Variants in DPEP2 observed in about 807,000 individuals in gnomAD.
The protein encoded by DPEP2 is dipeptidase 2.
DPEP2 carries 45 observed loss-of-function variants against 51.8 expected under a neutral mutation model. The observed-to-expected ratio is 0.87, with a 90% CI of 0.68 to 1.11. The LOEUF is 1.11. Among genes scored for constraint, DPEP2 ranks in the 50% most tolerant of loss-of-function variants. The probability of loss-of-function intolerance (pLI) is 0.00; values close to 1 mark genes in which losing one functional copy is unlikely to be tolerated. For synonymous variants in DPEP2, 255 were observed against 262.7 expected (o/e 0.97, Z 0.28); for missense variants, 604 against 631.9 (o/e 0.96, Z 0.47).
intron 2 of DPEP2, 106 bp downstream of exon 2, chr16:67,992,844 C>T: frequency 1.3e-6 from 2 of 1,491,064 alleles, no homozygotes; most frequent in African/African-American, 1.4e-5. Context: ...AGAGGGCATC[C>T]AGGGGTGGTG....
chr16:67,993,324 C>A (rs2032428287), intron 1 of DPEP2, 67 bp from the exon 2 acceptor site: 4 of 1,319,782 alleles, frequency 3.0e-6, no homozygotes, highest in Non-Finnish European at 3.9e-6. Flanking sequence ...GGCCACCTGG[C>A]GGCGTGGCCT....
At chr16:67,989,666 A>G (rs1057170788) in intron 8 of DPEP2, among the ~76,000 whole-genome samples, 6 of 152,196 alleles carry the variant, frequency 3.9e-5, no homozygotes, top group African/African-American at 1.4e-4. Flanking sequence ...ACCTGCCTCT[A>G]GTCTCTTTGA....
At chr16:67,996,273 T>C (rs1251654210) in intron 1 of DPEP2, among the ~76,000 whole-genome samples, 1 of 151,558 alleles carries the variant, frequency 6.6e-6, no homozygotes, top group Non-Finnish European at 1.5e-5. Flanking sequence ...TTTGTCAGTT[T>C]GAAAAATGTA....
At chr16:67,995,057 C>T (rs540992566) in intron 1 of DPEP2, 3 of 217,464 alleles carry the variant, frequency 1.4e-5, no homozygotes, top group African/African-American at 2.3e-5. Context: ...TGCGCCACCA[C>T]GCCCGGCTAA....
chr16:67,991,681 G>C lies in DPEP2; in HGVS notation c.662+157C>G, dbSNP rs1486088946. 2.6e-6 allele frequency: 3 copies of C among 1,159,218 alleles called. No individual in the cohort carries two copies. Among genetic ancestry groups the C allele is most frequent in the Non-Finnish European group, 3.5e-6 (3 of 845,302 alleles). 71.8% of individuals were successfully genotyped at this position (1,159,218 alleles called of 1,614,324 possible). ...GCATGAGCCACCGCGTCTGGCCAGG[G>C]GTCAAGTCGTATTCTGAAAACCAGA... On this transcript the variant is annotated intron_variant, in intron 5 of 10. Transcript: ENST00000393847. This position sits in a 1 kb window ranked among gnomAD's most constrained non-coding sequence, Gnocchi z 5.1.
Position 67,993,097 on chromosome 16 carries a change from G to A in DPEP2, c.116C>T (p.Pro39Leu), listed in dbSNP as rs145012164. The A allele has an allele frequency of 4.1e-5, 65 of 1,568,132 alleles. No individual in the cohort carries two copies. The highest frequency in any genetic ancestry group is 5.2e-5 in the Non-Finnish European group (60 of 1,155,888). The change falls in exon 2 of 11, where the codon CCC (proline) becomes CTC (leucine). Residue 39 changes from proline (P) to leucine (L), a missense_variant. By Grantham distance (98) the Pro-to-Leu change is moderately conservative. Coordinates refer to ENST00000393847, the MANE Select transcript of DPEP2 (RefSeq NM_022355.4). ...PVTCAYTTPG[P>L]PRALTTLGAP... ...GCCCAGCGTGGTGAGGGCTCTGGGG[G>A]GGCCTGGCGTGGTGTAGGCACAGGT...
In DPEP2 at chr16:67,992,904, C is replaced by T. The variant is rs1371897812; in HGVS notation, c.263+46G>A. The T allele has an allele frequency of 2.5e-6, 4 of 1,569,866 alleles. No homozygotes were observed. In the African/African-American group the frequency reaches 4.0e-5, roughly 16 times the overall value. The stretch of plus-strand genomic sequence containing the variant: ...GCATACTCTGGGACCCTCCCTTGCC[C>T]AGGAGTGTGCTCAGCTCCCATCGCC... On this transcript the variant is annotated intron_variant, in intron 2 of 10. Coordinates refer to ENST00000393847, the MANE Select transcript of DPEP2 (RefSeq NM_022355.4).
In DPEP2 at chr16:67,993,049, G is replaced by C. The variant is rs976384250; in HGVS notation, c.164C>G (p.Pro55Arg). The change falls in exon 2 of 11, where the codon CCG becomes CGG. Residue 55 changes from proline (P) to arginine (R), a missense_variant. Coordinates refer to ENST00000393847, the MANE Select transcript of DPEP2 (RefSeq NM_022355.4). ...TGTGGTCGAGGGAGCGTAGGTGCCC[G>C]GCATGGTGTGGGCTCTGGGGGCGCC... ...TLGAPRAHTM[P>R]GTYAPSTTLS... 4 of 1,580,452 alleles carry C rather than the reference G, an allele frequency of 2.5e-6. No individual in the cohort carries two copies. The highest frequency in any genetic ancestry group is 2.6e-6 in the Non-Finnish European group (3 of 1,162,414).
intron 8 of DPEP2, 102 bp downstream of exon 8, chr16:67,989,945 C>G: frequency 8.2e-7 from 1 of 1,223,834 alleles, no homozygotes; most frequent in South Asian, 1.3e-5. Context: ...TACTGTCCAT[C>G]ACTGCATTTT....
chr16:67,991,033 G>A lies in DPEP2; in HGVS notation c.733-36C>T, dbSNP rs548134401. ...ATGTTGGGAGAAGGGTATCAGGGGT[G>A]CACATGTGTATACATTTATTTGTAA... is the stretch of plus-strand genomic sequence containing the variant. On this transcript the variant is annotated intron_variant, in intron 6 of 10. Coordinates refer to ENST00000393847, the MANE Select transcript of DPEP2 (RefSeq NM_022355.4). The surrounding 1 kb of genome is among the most constrained non-coding windows in gnomAD (Gnocchi z 5.1). 2 of 1,613,910 alleles carry A rather than the reference G, an allele frequency of 1.2e-6. No individual in the cohort carries two copies. Among genetic ancestry groups the A allele is most frequent in the South Asian group, 1.1e-5 (1 of 91,074 alleles).
intron 1 of DPEP2, 175 bp from the exon 2 acceptor site, chr16:67,993,432 C>T (rs1208179085): frequency 7.1e-6 from 9 of 1,261,908 alleles, no homozygotes; most frequent in East Asian, 3.2e-5. Flanking sequence ...AGCCCTCCCG[C>T]CGTCATCCCC....
chr16:67,992,666 A>G lies in DPEP2; in HGVS notation c.264-30T>C, dbSNP rs374813524. ...AGGGATGTCAAGCCAGGGTCAGGTG[A>G]AGAACAGACAGATGGGCCTCTTAGC... On this transcript the variant is annotated intron_variant, in intron 2 of 10. Transcript: ENST00000393847. 3 of 1,603,852 alleles carry G rather than the reference A, an allele frequency of 1.9e-6. No individual in the cohort carries two copies. In the African/African-American group the frequency reaches 4.0e-5, roughly 21 times the overall value.
At chr16:68,000,443 C>T, upstream of DPEP2, 1 of 985,342 alleles carries the variant, frequency 1.0e-6, no homozygotes, top group Non-Finnish European at 1.2e-6. Flanking sequence ...GCAGCTGGGG[C>T]TTACTCAGTA....
intron 1 of DPEP2, among the ~76,000 whole-genome samples, chr16:67,996,186 G>A (rs550675603): frequency 4.0e-5 from 6 of 148,494 alleles, no homozygotes; most frequent in Admixed American, 2.7e-4. Context: ...ACAGGTACTC[G>A]CCACCACACT....
Position 67,992,952 on chromosome 16 carries a change from G to A in DPEP2, c.261C>T (p.Asp87=), listed in dbSNP as rs763339034. 4.3e-6 allele frequency: 7 copies of A among 1,610,014 alleles called. No individual in the cohort carries two copies. The highest frequency in any genetic ancestry group is 2.2e-5 in the South Asian group (2 of 90,690). Residue 87 remains aspartate (D), a splice_region_variant and synonymous_variant, in exon 2 of 11, where the codon GAC becomes GAT. Coordinates refer to ENST00000393847, the MANE Select transcript of DPEP2 (RefSeq NM_022355.4). ...GCCCCCTTGCAGCAATTACGCACCC[G>A]TCCACGAGCGGGAAGTCCCGCATCA... ...RALMRDFPLV[D]GHNDLPLVLR...
At position 67,991,817 on chromosome 16, in the gene DPEP2, C is replaced by G; in HGVS notation, c.662+21G>C. Reference sequence around the variant, plus strand: ...CTCTGCCCCTGCCTCAGCGGTCCCACACCATCTGCACTAGGCTCACCAGGG... The same window carrying G: ...CTCTGCCCCTGCCTCAGCGGTCCCAGACCATCTGCACTAGGCTCACCAGGG... On this transcript the variant is annotated intron_variant, in intron 5 of 10. Transcript: ENST00000393847. The surrounding 1 kb of genome is among the most constrained non-coding windows in gnomAD (Gnocchi z 5.1). The G allele has an allele frequency of 6.2e-7, 1 of 1,613,060 alleles. No homozygotes were observed.
chr16:67,992,772 G>T, intron 2 of DPEP2, 136 bp from the exon 3 acceptor site: 2 of 1,496,362 alleles, frequency 1.3e-6, no homozygotes, highest in Non-Finnish European at 1.8e-6. Context: ...TGAGGCCCGG[G>T]CTAGGAGTGC....
chr16:67,987,630 G>T lies in DPEP2; in HGVS notation c.1337C>A (p.Thr446Asn). Residue 446 changes from threonine (T) to asparagine (N), a missense_variant, in exon 11 of 11, where the codon ACT becomes AAT. Thr to Asn is a moderately conservative substitution (Grantham distance 65). Transcript: ENST00000393847. ...RQSLTSGQELTEIPIHWTAKL... is the reference protein window; with the variant it reads ...RQSLTSGQELNEIPIHWTAKL... ...GGCTGTCCAGTGTATGGGAATCTCA[G>T]TGAGTTCCTGGCCTGAAGTCAGACT... The T allele has an allele frequency of 6.2e-7, 1 of 1,614,210 alleles. No individual in the cohort carries two copies. The highest frequency in any genetic ancestry group is 1.3e-5 in the African/African-American group (1 of 75,064).
rs760021969 is a variant in DPEP2, at chr16:67,992,946, G to A, written c.263+4C>T. 11 of 1,608,074 alleles carry A rather than the reference G, an allele frequency of 6.8e-6. No homozygotes were observed. Among genetic ancestry groups the A allele is most frequent in the Non-Finnish European group, 2.5e-6 (3 of 1,177,270 alleles). On this transcript the variant is annotated splice_donor_region_variant and intron_variant, in intron 2 of 10. Coordinates refer to ENST00000393847, the MANE Select transcript of DPEP2 (RefSeq NM_022355.4). Reference sequence around the variant, plus strand: ...CCCATCGCCCCCTTGCAGCAATTACGCACCCGTCCACGAGCGGGAAGTCCC... The same window carrying A: ...CCCATCGCCCCCTTGCAGCAATTACACACCCGTCCACGAGCGGGAAGTCCC...
Sources: allele counts gnomAD v4.1 joint callset (sites outside exome capture counted in the v4.1 genomes callset), GRCh38; gene constraint gnomAD v4.1.1; non-coding constraint Gnocchi (gnomAD v3.1); transcripts MANE v1.5; gene names NCBI Gene and HGNC (gene_info 2026-07-23, HGNC 2026-07-21).